Variants in ADGRL3 observed in about 807,000 individuals in gnomAD.
ADGRL3 encodes adhesion G protein-coupled receptor L3.
In ADGRL3, 62 loss-of-function variants were observed where a neutral mutation model predicts 153.5. The ratio of observed to expected loss-of-function variants is 0.40; its 90% confidence interval spans 0.33 to 0.50. The LOEUF (loss-of-function observed/expected upper bound fraction) is 0.50, where lower values mean the gene tolerates loss of function less well. Among genes scored for constraint, ADGRL3 ranks in the 20% least tolerant of loss-of-function variants. The pLI, the probability that ADGRL3 is intolerant of heterozygous loss-of-function variation, is 0.47. For synonymous variants in ADGRL3, 710 were observed against 672.5 expected (o/e 1.06, Z -0.86); for missense variants, 1,641 against 1,859.4 (o/e 0.88, Z 2.16).
intron 2 of ADGRL3, among the ~76,000 whole-genome samples, chr4:61,442,144 T>C (rs1053005894): frequency 5.3e-5 from 8 of 152,234 alleles, no homozygotes; most frequent in Admixed American, 1.3e-4. Flanking sequence ...ATTTTGATGA[T>C]AACTGTAATG....
At chr4:61,469,382 A>G (rs969091038) in intron 2 of ADGRL3, among the ~76,000 whole-genome samples, 3 of 152,126 alleles carry the variant, frequency 2.0e-5, no homozygotes, top group Non-Finnish European at 2.9e-5. Flanking sequence ...GGACAAGCAC[A>G]TAGTAAGTAT....
chr4:61,480,341 A>G (rs1008767034), intron 2 of ADGRL3, among the ~76,000 whole-genome samples: 5 of 152,162 alleles, frequency 3.3e-5, no homozygotes, highest in Non-Finnish European at 7.4e-5. Flanking sequence ...GTTCATTCAT[A>G]TTGTTTCAAA....
chr4:61,709,339 G>A (rs565057608), intron 6 of ADGRL3, among the ~76,000 whole-genome samples: 2 of 152,108 alleles, frequency 1.3e-5, no homozygotes, highest in East Asian at 3.8e-4. Flanking sequence ...ATTATTACCT[G>A]AGTATAAGTC....
chr4:61,745,944 T>C (rs1325236549), intron 8 of ADGRL3, among the ~76,000 whole-genome samples: 1 of 152,172 alleles, frequency 6.6e-6, no homozygotes, highest in Non-Finnish European at 1.5e-5. Flanking sequence ...GACCCATCAG[T>C]GTGCTGTATT....
chr4:61,469,767 A>G (rs2097923404), intron 2 of ADGRL3, among the ~76,000 whole-genome samples: 2 of 152,064 alleles, frequency 1.3e-5, no homozygotes, highest in Non-Finnish European at 2.9e-5. Context: ...GTGCCAAGGG[A>G]ACAAGTAGTA....
intron 8 of ADGRL3, among the ~76,000 whole-genome samples, chr4:61,748,882 C>A (rs2096711641): frequency 1.3e-5 from 2 of 151,316 alleles, no homozygotes. Context: ...AACTAAAGAG[C>A]TTCTGCACAG....
chr4:61,586,079 T>G (rs1422465747), intron 4 of ADGRL3, among the ~76,000 whole-genome samples: 1 of 152,016 alleles, frequency 6.6e-6, no homozygotes, highest in African/African-American at 2.4e-5. Flanking sequence ...TTTATCAAAT[T>G]GACAAAGCTT....
At chr4:61,823,221 T>C (rs1408954891) in intron 9 of ADGRL3, among the ~76,000 whole-genome samples, 3 of 152,198 alleles carry the variant, frequency 2.0e-5, no homozygotes, top group Non-Finnish European at 4.4e-5. Flanking sequence ...TTGTTTTTAG[T>C]CTCTTTCAGA....
In ADGRL3 at chr4:61,201,192, G is replaced by A. The variant is rs1734554253; in HGVS notation, c.-813G>A. The stretch of plus-strand genomic sequence containing the variant: ...AAGAAAGAGAAGGGGGGTGGGGTGG[G>A]AGAACTGGATATAAAGATCGGCTGG... On this transcript the variant is annotated 5_prime_UTR_variant, in exon 1 of 27. Coordinates refer to ENST00000683033, the MANE Select transcript of ADGRL3 (RefSeq NM_001387552.1). The A allele has an allele frequency of 6.6e-6, 1 of 152,470 alleles. No homozygotes were observed. The highest frequency in any genetic ancestry group is 6.6e-5 in the Admixed American group (1 of 15,258). The allele number at this position is 152,470 out of a possible 1,614,324, so 9.4% of individuals were successfully genotyped here.
chr4:61,576,500 T>G (rs2149216349), intron 4 of ADGRL3, among the ~76,000 whole-genome samples: 1 of 150,698 alleles, frequency 6.6e-6, no homozygotes, highest in African/African-American at 2.4e-5. Context: ...TTCATAGGTT[T>G]AGAGACTTGG....
intron 1 of ADGRL3, among the ~76,000 whole-genome samples, chr4:61,247,730 C>T (rs938667213): frequency 6.6e-6 from 1 of 151,898 alleles, no homozygotes; most frequent in Non-Finnish European, 1.5e-5. Flanking sequence ...TTTCCTACCC[C>T]TGTATAATTT....
At chr4:61,736,624 C>T (rs990817543) in intron 8 of ADGRL3, among the ~76,000 whole-genome samples, 3 of 152,122 alleles carry the variant, frequency 2.0e-5, no homozygotes, top group East Asian at 1.9e-4. Flanking sequence ...TGCCACTGCA[C>T]GCCAGCCTGA....
At chr4:61,406,098 C>A (rs1191613729) in intron 2 of ADGRL3, among the ~76,000 whole-genome samples, 1 of 151,860 alleles carries the variant, frequency 6.6e-6, no homozygotes, top group Non-Finnish European at 1.5e-5. Flanking sequence ...TATATATCTA[C>A]TGTCTGTGTA....
At chr4:61,278,208 A>G (rs1391865311) in intron 1 of ADGRL3, among the ~76,000 whole-genome samples, 7 of 152,074 alleles carry the variant, frequency 4.6e-5, no homozygotes, top group Admixed American at 4.6e-4. Context: ...AATCATGTTT[A>G]TATGTTGAAA....
intron 9 of ADGRL3, among the ~76,000 whole-genome samples, chr4:61,858,939 G>A (rs1264696393): frequency 6.6e-6 from 1 of 152,126 alleles, no homozygotes; most frequent in Non-Finnish European, 1.5e-5. Context: ...ATAAAAGGAT[G>A]GCTAGGATAT....
rs546472493 is a variant in ADGRL3, at chr4:61,839,213, G to A, written c.1480+25324G>A. On this transcript the variant is annotated intron_variant, in intron 9 of 26. Transcript: ENST00000683033. Reference sequence around the variant, plus strand: ...TGTTTTGTTTTTCTTTTTTTGAGATGGAGCCTTACTCTGTCACCCAGGCTG... The same window carrying A: ...TGTTTTGTTTTTCTTTTTTTGAGATAGAGCCTTACTCTGTCACCCAGGCTG... Among the ~76,000 whole-genome samples the A allele has an allele frequency of 2.6e-5, 4 of 152,072 alleles. No individual in the cohort carries two copies. The East Asian group carries it at 7.8e-4, about 29-fold the overall frequency.
At position 61,238,192 on chromosome 4, in the gene ADGRL3, A is replaced by C. The variant is rs181199237; in HGVS notation, c.-240+36427A>C. ...AAGAGCACAAACTAAGTACTGCAGC[A>C]AATAGAACCACCGTGTCCTCCTTAC... On this transcript the variant is annotated intron_variant, in intron 1 of 26. Coordinates refer to ENST00000683033, the MANE Select transcript of ADGRL3 (RefSeq NM_001387552.1). Among the ~76,000 whole-genome samples the C allele has an allele frequency of 4.1e-4, 62 of 152,308 alleles. 1 individual carries two copies. The highest frequency in any genetic ancestry group is 1.5e-3 in the African/African-American group (62 of 41,584).
intron 2 of ADGRL3, among the ~76,000 whole-genome samples, chr4:61,496,107 C>T (rs2098312707): frequency 2.0e-5 from 3 of 152,036 alleles, no homozygotes; most frequent in Admixed American, 2.0e-4. Context: ...CTTTTGTAAA[C>T]ATAAATCTAT....
At chr4:61,956,849 A>T (rs1241691723) in intron 17 of ADGRL3, among the ~76,000 whole-genome samples, 2 of 151,950 alleles carry the variant, frequency 1.3e-5, no homozygotes, top group African/African-American at 2.4e-5. Context: ...AAGGTTGTAG[A>T]TGTGTGGTGT....
Sources: gnomAD v4.1 joint callset for allele counts (sites outside exome capture counted in the v4.1 genomes callset) on GRCh38, gnomAD v4.1.1 for gene constraint, MANE v1.5 for transcripts, NCBI Gene and HGNC (gene_info 2026-07-23, HGNC 2026-07-21) for gene names.